SEMA4D: variants seen among roughly 807,000 people sequenced by gnomAD.
SEMA4D encodes the protein semaphorin 4D.
A neutral mutation model predicts 74.8 loss-of-function variants in SEMA4D; 22 were observed. That is an observed-to-expected ratio of 0.29 (90% CI 0.21 to 0.42). The LOEUF (loss-of-function observed/expected upper bound fraction) is 0.42, where lower values mean the gene tolerates loss of function less well. Among genes scored for constraint, SEMA4D ranks in the 10% least tolerant of loss-of-function variants. SEMA4D has a pLI of 1.00. For synonymous variants in SEMA4D, 445 were observed against 463.7 expected, an observed-to-expected ratio of 0.96 and a Z score of 0.52; for missense variants, 937 against 1,118.4, an observed-to-expected ratio of 0.84 and a Z score of 2.31.
chr9:89,385,723 G>C (rs913566675), intron 13 of SEMA4D: 3 of 441,860 alleles, frequency 6.8e-6, no homozygotes, highest in African/African-American at 6.4e-5. Context: ...TATCTTACCC[G>C]GCCAGACAGG....
At chr9:89,448,429 A>G (rs1853511883) in intron 2 of SEMA4D, among the ~76,000 whole-genome samples, 1 of 152,206 alleles carries the variant, frequency 6.6e-6, no homozygotes, top group South Asian at 2.1e-4. Flanking sequence ...AGCTCAGTGA[A>G]CTGTGCATGA....
chr9:89,381,695 G>A lies in SEMA4D; in HGVS notation c.1447-349C>T. 5.2e-6 allele frequency: 1 copy of A among 191,944 alleles called. No homozygotes were observed. Among genetic ancestry groups the A allele is most frequent in the Non-Finnish European group, 1.1e-5 (1 of 93,814 alleles). The allele number at this position is 191,944 out of a possible 1,614,324, so 11.9% of individuals were successfully genotyped here. A position where few individuals can be genotyped will look rare whatever the true frequency, so the allele number is the denominator to read the frequency against. On this transcript the variant is annotated intron_variant, in intron 13 of 15. Coordinates refer to ENST00000422704, the MANE Select transcript of SEMA4D (RefSeq NM_001371194.2). The surrounding 1 kb of genome is among the most constrained non-coding windows in gnomAD (Gnocchi z 4.6). ...ACCTCCAGATCTCCTCCCTGCAGCA[G>A]AGGATGCATGAGCCTGGCACTCCCG... is the stretch of plus-strand genomic sequence containing the variant.
At chr9:89,389,322 T>TGCCTGTGCCCA (rs773709163) in intron 9 of SEMA4D, among the ~76,000 whole-genome samples, 1 of 152,234 alleles carries the variant, frequency 6.6e-6, no homozygotes, top group Non-Finnish European at 1.5e-5. Context: ...CGTCCATGCC[T>TGCCTGTGCCCA]GCCTGTGCCC....
intron 15 of SEMA4D, among the ~76,000 whole-genome samples, chr9:89,380,603 A>AG (rs1836805562): frequency 1.3e-5 from 2 of 152,190 alleles, no homozygotes; most frequent in African/African-American, 4.8e-5. Flanking sequence ...CTGCTGGGGA[A>AG]GGGGCATCTG....
chr9:89,380,963 A>G, intron 15 of SEMA4D, 92 bp downstream of exon 15: 2 of 1,472,604 alleles, frequency 1.4e-6, no homozygotes, highest in Non-Finnish European at 9.5e-7. Flanking sequence ...GAAAAACAAA[A>G]CACACACAAA....
downstream of SEMA4D, chr9:89,376,782 T>C: frequency 6.7e-7 from 1 of 1,492,744 alleles, no homozygotes; most frequent in East Asian, 2.6e-5. Flanking sequence ...CCCCCACCTG[T>C]GGGAGGAGAC....
At chr9:89,453,268 G>A (rs1361053492) in intron 2 of SEMA4D, among the ~76,000 whole-genome samples, 2 of 152,224 alleles carry the variant, frequency 1.3e-5, no homozygotes, top group Admixed American at 1.3e-4. Context: ...AGAAGGAAGA[G>A]CTTAAATGCA....
Position 89,396,786 on chromosome 9 carries a change from G to A in SEMA4D, c.365C>T (p.Ser122Phe). The change falls in exon 6 of 16, where the codon TCC becomes TTC. Residue 122 changes from serine to phenylalanine, a missense_variant. By Grantham distance (155) the Ser-to-Phe change is radical. Coordinates refer to ENST00000422704, the MANE Select transcript of SEMA4D (RefSeq NM_001371194.2). ...TGCGTTGGTCCCACACACGTAAAGGGAAGTGGCGCTGAGTGGCTGCAGCAC... is the reference window on the plus strand; with the variant it reads ...TGCGTTGGTCCCACACACGTAAAGGAAAGTGGCGCTGAGTGGCTGCAGCAC... ...IRVLQPLSAT[S>F]LYVCGTNAFQ... The A allele has an allele frequency of 6.2e-7, 1 of 1,614,072 alleles. No homozygotes were observed. Among genetic ancestry groups the A allele is most frequent in the Non-Finnish European group, 8.5e-7 (1 of 1,179,956 alleles).
chr9:89,447,508 C>A (rs749038948), intron 2 of SEMA4D, among the ~76,000 whole-genome samples: 31 of 152,140 alleles, frequency 2.0e-4, no homozygotes, highest in African/African-American at 7.5e-4. Flanking sequence ...CCCCGACCCC[C>A]ACCATGACCC....
intron 1 of SEMA4D, among the ~76,000 whole-genome samples, chr9:89,469,908 C>A (rs534175621): frequency 3.1e-4 from 47 of 152,176 alleles, no homozygotes; most frequent in Non-Finnish European, 6.2e-4. Context: ...GCTAAAGAAA[C>A]AGGGCAAGAA....
At chr9:89,390,444 GGA>G (rs1191147847) in intron 9 of SEMA4D, among the ~76,000 whole-genome samples, 4 of 152,194 alleles carry the variant, frequency 2.6e-5, no homozygotes, top group Non-Finnish European at 5.9e-5. Context: ...AGCACCAGGT[GGA>G]TACTCAGGTG....
chr9:89,385,379 G>A (rs910329695), intron 13 of SEMA4D: 23 of 985,254 alleles, frequency 2.3e-5, no homozygotes, highest in Admixed American at 6.2e-5. Context: ...ACAGCACGAT[G>A]GCCCCAGAAG....
At chr9:89,362,368 G>T in exon 19 of SEMA4D, 2 of 1,614,082 alleles carry the variant, frequency 1.2e-6, no homozygotes, top group Non-Finnish European at 1.7e-6. Context: ...TCTTGTTGGG[G>T]TTGAGGTCGG....
At chr9:89,426,466 G>A (rs1360137817) in intron 2 of SEMA4D, among the ~76,000 whole-genome samples, 2 of 152,156 alleles carry the variant, frequency 1.3e-5, no homozygotes, top group African/African-American at 4.8e-5. Flanking sequence ...CCCAGGACAT[G>A]GCTTTTGCCA....
In SEMA4D at chr9:89,441,738, T is replaced by A. The variant is rs549644556; in HGVS notation, c.-244+14150A>T. 3.9e-5 allele frequency among the ~76,000 whole-genome samples: 6 copies of A among 152,210 alleles called. 1 individual carries two copies. The South Asian group carries it at 1.0e-3, about 26-fold the overall frequency. The stretch of plus-strand genomic sequence containing the variant: ...TCTTTGTCATTTCAGCCCCAATACC[T>A]GTCTAACCACTCTGCGTCCAGCTTT... On this transcript the variant is annotated intron_variant, in intron 2 of 15. Coordinates refer to ENST00000422704, the MANE Select transcript of SEMA4D (RefSeq NM_001371194.2).
chr9:89,466,827 A>G (rs1483888087), intron 1 of SEMA4D, among the ~76,000 whole-genome samples: 6 of 152,212 alleles, frequency 3.9e-5, no homozygotes, highest in Admixed American at 3.3e-4. Context: ...ACGATGACCA[A>G]TACGAGCCTG....
intron 3 of SEMA4D, 103 bp downstream of exon 3, chr9:89,405,248 G>T: frequency 2.1e-6 from 2 of 953,806 alleles, no homozygotes; most frequent in Non-Finnish European, 1.7e-6. Flanking sequence ...CAGCATTCCA[G>T]GAAGTGGGGT....
rs73654766 is a variant in SEMA4D, at chr9:89,364,610, T to G, written c.1883-660A>C. ...TGAGCATGGACTCTGGGCCCGACAT[T>G]GGCCACTTCTGCCGCAAACCTCTGT... On this transcript the variant is annotated intron_variant, in intron 16 of 18. Transcript: ENST00000339861. 1,369 of 156,572 alleles carry G rather than the reference T, an allele frequency of 8.7e-3. 18 individuals carry two copies. The highest frequency in any genetic ancestry group is 0.03 in the African/African-American group (1,260 of 41,610). The allele number at this position is 156,572 out of a possible 1,614,324, so 9.7% of individuals were successfully genotyped here. A position where few individuals can be genotyped will look rare whatever the true frequency, so the allele number is the denominator to read the frequency against.
rs561484466 is a variant in SEMA4D, at chr9:89,371,742, G to T, written c.1882+5091C>A. Among the ~76,000 whole-genome samples, 77 of 105,894 alleles carry T rather than the reference G, an allele frequency of 7.3e-4. 1 individual carries two copies. Among genetic ancestry groups the T allele is most frequent in the Non-Finnish European group, 1.2e-3 (64 of 51,702 alleles). The allele number at this position is 105,894 out of a possible 152,430, so 69.5% of individuals were successfully genotyped here. On this transcript the variant is annotated intron_variant, in intron 16 of 18. Coordinates refer to the SEMA4D transcript ENST00000339861. ...GTGGTGTGTGTCTGGGGTGTGGTGT[G>T]TGTCGGGTGTGGTGTGTGTGTGGGG... is the stretch of plus-strand genomic sequence containing the variant.
Sources: gnomAD v4.1 joint callset for allele counts (sites outside exome capture counted in the v4.1 genomes callset) on GRCh38, gnomAD v4.1.1 for gene constraint, Gnocchi (gnomAD v3.1) non-coding constraint, MANE v1.5 for transcripts, NCBI Gene and HGNC (gene_info 2026-07-23, HGNC 2026-07-21) for gene names.